HS3ST4: variants seen among roughly 807,000 people sequenced by gnomAD.
The protein encoded by HS3ST4 is heparan sulfate-glucosamine 3-sulfotransferase 4.
In HS3ST4, 17 loss-of-function variants were observed where a neutral mutation model predicts 29.2. The ratio of observed to expected loss-of-function variants is 0.58; its 90% CI spans 0.40 to 0.87. The LOEUF is 0.87. Among genes scored for constraint, HS3ST4 ranks in the 40% least tolerant of loss-of-function variants. HS3ST4 has a pLI of 0.00. For synonymous variants in HS3ST4, 314 were observed against 285.7 expected (o/e 1.10, Z -1.00); for missense variants, 627 against 634.5 (o/e 0.99, Z 0.13).
chr16:25,702,966 C>G (rs1966344987), intron 1 of HS3ST4, among the ~76,000 whole-genome samples: 1 of 152,060 alleles, frequency 6.6e-6, no homozygotes, highest in Non-Finnish European at 1.5e-5. Flanking sequence ...TGAGACCATC[C>G]TGGCTCACGT....
intron 1 of HS3ST4, among the ~76,000 whole-genome samples, chr16:25,915,247 C>T (rs146144112): frequency 2.6e-5 from 4 of 152,210 alleles, no homozygotes; most frequent in South Asian, 2.1e-4. Flanking sequence ...AGACTCCGGG[C>T]GTGGGTTCCA....
chr16:25,972,789 T>C (rs1396742526), intron 1 of HS3ST4, among the ~76,000 whole-genome samples: 1 of 152,110 alleles, frequency 6.6e-6, no homozygotes, highest in East Asian at 1.9e-4. Context: ...GGGGGATCCT[T>C]AGGAGCCATC....
chr16:25,714,199 G>T (rs997927648), intron 1 of HS3ST4, among the ~76,000 whole-genome samples: 2 of 152,076 alleles, frequency 1.3e-5, no homozygotes, highest in Non-Finnish European at 2.9e-5. Flanking sequence ...AAAGAAAAAA[G>T]ACAACTAACA....
At chr16:26,087,468 C>A (rs570650677) in intron 1 of HS3ST4, among the ~76,000 whole-genome samples, 1 of 152,276 alleles carries the variant, frequency 6.6e-6, no homozygotes, top group East Asian at 1.9e-4. Context: ...CCTGGCATTC[C>A]GTTGACCTAT....
intron 1 of HS3ST4, among the ~76,000 whole-genome samples, chr16:25,924,496 T>C (rs994642233): frequency 1.3e-5 from 2 of 152,232 alleles, no homozygotes; most frequent in Admixed American, 1.3e-4. Flanking sequence ...TTCAGGGTAG[T>C]AATATTAACT....
At chr16:25,853,053 T>A (rs1967537683) in intron 1 of HS3ST4, among the ~76,000 whole-genome samples, 1 of 149,502 alleles carries the variant, frequency 6.7e-6, no homozygotes, top group South Asian at 2.1e-4. Flanking sequence ...TTACTTTAGC[T>A]GATTAACCTG....
At chr16:25,925,914 T>C (rs1968397848) in intron 1 of HS3ST4, among the ~76,000 whole-genome samples, 1 of 152,110 alleles carries the variant, frequency 6.6e-6, no homozygotes, top group Admixed American at 6.5e-5. Context: ...TACTGATCCC[T>C]ATTAGGCAAG....
At chr16:25,861,629 T>A (rs959071391) in intron 1 of HS3ST4, among the ~76,000 whole-genome samples, 1 of 152,102 alleles carries the variant, frequency 6.6e-6, no homozygotes, top group Admixed American at 6.5e-5. Context: ...GCCAGGGAGA[T>A]GATATATGAG....
chr16:26,113,906 A>C (rs1899168152), intron 1 of HS3ST4, among the ~76,000 whole-genome samples: 1 of 152,088 alleles, frequency 6.6e-6, no homozygotes, highest in Non-Finnish European at 1.5e-5. Flanking sequence ...GTATGTATAT[A>C]TGTGTGCATA....
intron 1 of HS3ST4, among the ~76,000 whole-genome samples, chr16:25,836,680 G>A (rs951010070): frequency 3.3e-5 from 5 of 152,148 alleles, no homozygotes; most frequent in African/African-American, 1.2e-4. Context: ...GTTTGTCAGC[G>A]TAGAAATGAA....
At chr16:26,008,605 G>A (rs550343872) in intron 1 of HS3ST4, among the ~76,000 whole-genome samples, 1 of 152,084 alleles carries the variant, frequency 6.6e-6, no homozygotes, top group Non-Finnish European at 1.5e-5. Context: ...GATCACTTGA[G>A]GTCAGGAGTT....
intron 1 of HS3ST4, among the ~76,000 whole-genome samples, chr16:25,828,282 TTC>T (rs1967249305): frequency 1.2e-5 from 1 of 85,350 alleles, no homozygotes; most frequent in Non-Finnish European, 2.3e-5. Flanking sequence ...CTTTCTTTCT[TTC>T]TTTCTTTCTT....
chr16:25,693,800 G>A lies in HS3ST4; in HGVS notation c.734+649G>A, dbSNP rs1008356742. ...CCTCAATGTCTGCATGACAGTTGGTGCCCTGAGAGTTTTTATGCCTCAGAC... is the reference window on the plus strand; with the variant it reads ...CCTCAATGTCTGCATGACAGTTGGTACCCTGAGAGTTTTTATGCCTCAGAC... On this transcript the variant is annotated intron_variant, in intron 1 of 1. Transcript: ENST00000331351. Among the ~76,000 whole-genome samples, 3 of 152,280 alleles carry A rather than the reference G, an allele frequency of 2.0e-5. No homozygotes were observed. The East Asian group carries it at 5.8e-4, about 29-fold the overall frequency.
At chr16:25,890,012 C>G (rs1300792890) in intron 1 of HS3ST4, among the ~76,000 whole-genome samples, 1 of 152,168 alleles carries the variant, frequency 6.6e-6, no homozygotes, top group Non-Finnish European at 1.5e-5. Context: ...TCCATTCAAC[C>G]TCTTTCTTTT....
At chr16:25,718,501 G>GGA (rs35246974) in intron 1 of HS3ST4, among the ~76,000 whole-genome samples, 2 of 150,918 alleles carry the variant, frequency 1.3e-5, no homozygotes, top group Non-Finnish European at 3.0e-5. Context: ...AGCAGAAATG[G>GGA]GAGAGAGAGA....
At chr16:25,765,972 G>A (rs147346758) in intron 1 of HS3ST4, among the ~76,000 whole-genome samples, 1 of 152,154 alleles carries the variant, frequency 6.6e-6, no homozygotes, top group Non-Finnish European at 1.5e-5. Context: ...ACTGTGGTTA[G>A]GGAGCGGTCC....
chr16:25,741,246 G>A (rs551836127), intron 1 of HS3ST4, among the ~76,000 whole-genome samples: 23 of 151,388 alleles, frequency 1.5e-4, no homozygotes, highest in African/African-American at 5.6e-4. Flanking sequence ...TTTAAATGAT[G>A]TACTCCTCAG....
intron 1 of HS3ST4, among the ~76,000 whole-genome samples, chr16:26,064,038 A>T (rs1403047289): frequency 6.6e-6 from 1 of 152,058 alleles, no homozygotes; most frequent in African/African-American, 2.4e-5. Context: ...TAGGTTTATG[A>T]CTAAAATATA....
At chr16:25,938,885 G>A (rs1270691614) in intron 1 of HS3ST4, among the ~76,000 whole-genome samples, 1 of 152,138 alleles carries the variant, frequency 6.6e-6, no homozygotes, top group African/African-American at 2.4e-5. Flanking sequence ...CAGTTCACAA[G>A]CAAAGGAGGT....
Sources: gnomAD v4.1 joint callset for allele counts (sites outside exome capture counted in the v4.1 genomes callset) on GRCh38, gnomAD v4.1.1 for gene constraint, MANE v1.5 for transcripts, NCBI Gene and HGNC (gene_info 2026-07-23, HGNC 2026-07-21) for gene names.